The following TMEM266 variants were observed in gnomAD, a reference collection of about 807,000 sequenced individuals.
The protein encoded by TMEM266 is Hv1 related protein 1.
Under a neutral mutation model 50.5 loss-of-function variants are expected in TMEM266, and 33 were observed. That is an observed-to-expected ratio of 0.65 (90% CI 0.50 to 0.87). The LOEUF (loss-of-function observed/expected upper bound fraction) is 0.87. Ranked by LOEUF, TMEM266 falls within the 40% of genes least tolerant of loss-of-function variation. The probability of loss-of-function intolerance (pLI) is 0.00; values close to 1 mark genes in which losing one functional copy is unlikely to be tolerated. For missense variants in TMEM266, 655 were observed against 695.1 expected (o/e 0.94, Z 0.65); for synonymous variants, 310 against 292.3 (o/e 1.06, Z -0.62).
intron 1 of TMEM266, among the ~76,000 whole-genome samples, chr15:76,126,379 A>ATATATC (rs1430247105): frequency 4.6e-5 from 3 of 65,012 alleles, no homozygotes; most frequent in Non-Finnish European, 7.4e-5. Context: ...ACAGACATAT[A>ATATATC]TATATATATA....
intron 9 of TMEM266, among the ~76,000 whole-genome samples, chr15:76,196,980 C>G (rs954384583): frequency 1.3e-5 from 2 of 152,214 alleles, no homozygotes; most frequent in Non-Finnish European, 2.9e-5. Context: ...AATTACAGCC[C>G]CTGGTGGGAG....
intron 1 of TMEM266, among the ~76,000 whole-genome samples, chr15:76,060,367 G>T (rs891113864): frequency 1.3e-5 from 2 of 151,022 alleles, no homozygotes; most frequent in Non-Finnish European, 3.0e-5. Flanking sequence ...TGGAGGGGGG[G>T]GTTGCTGCTG....
intron 2 of TMEM266, 67 bp downstream of exon 2, chr15:76,134,368 ATCT>A (rs2037559543): frequency 6.5e-7 from 1 of 1,546,682 alleles, no homozygotes; most frequent in Admixed American, 1.7e-5. Flanking sequence ...GAAGATGAAG[ATCT>A]TCTAATTTAG....
chr15:76,196,638 A>G (rs966577080), intron 9 of TMEM266, among the ~76,000 whole-genome samples: 14 of 152,032 alleles, frequency 9.2e-5, no homozygotes, highest in African/African-American at 2.4e-5. Context: ...GACACAGACA[A>G]TCCAGGGATT....
In TMEM266 at chr15:76,188,087, C is replaced by G. The variant is rs993585934; in HGVS notation, c.769-3881C>G. ...CATGCTAGGAGTATGCCTTCCCCCC[C>G]CACCCCGCCCCACTGGAACACCACT... On this transcript the variant is annotated intron_variant, in intron 8 of 10. Transcript: ENST00000388942. 5.3e-5 allele frequency among the ~76,000 whole-genome samples: 8 copies of G among 151,974 alleles called. No homozygotes were observed. In the South Asian group the frequency reaches 1.7e-3, roughly 32 times the overall value.
chr15:76,152,526 C>T (rs527819916), intron 3 of TMEM266, among the ~76,000 whole-genome samples: 21 of 152,118 alleles, frequency 1.4e-4, no homozygotes, highest in Non-Finnish European at 2.6e-4. Flanking sequence ...AGGGGGAAGC[C>T]CTATCCTCCT....
At chr15:76,116,369 T>C (rs546049761) in intron 1 of TMEM266, among the ~76,000 whole-genome samples, 16 of 152,328 alleles carry the variant, frequency 1.1e-4, no homozygotes, top group African/African-American at 3.8e-4. Context: ...GTGGCTTTCT[T>C]GGTTCTCACC....
Position 76,204,147 on chromosome 15 carries a change from C to G in TMEM266, c.1428C>G (p.Pro476=), listed in dbSNP as rs537048242. Residue 476 remains proline (P), a synonymous_variant, in exon 11 of 11, where the codon CCC becomes CCG. Coordinates refer to ENST00000388942, the MANE Select transcript of TMEM266 (RefSeq NM_152335.3). Reference sequence around the variant, plus strand: ...CAGCGGGCTCGGCCCAAACCAGCCCCGAGCTGGAACACAGGGTAAGTCTGT... The same window carrying G: ...CAGCGGGCTCGGCCCAAACCAGCCCGGAGCTGGAACACAGGGTAAGTCTGT... 2 of 1,613,602 alleles carry G rather than the reference C, an allele frequency of 1.2e-6. No individual in the cohort carries two copies.
intron 1 of TMEM266, among the ~76,000 whole-genome samples, chr15:76,078,832 T>G (rs2036642574): frequency 1.3e-5 from 2 of 152,164 alleles, no homozygotes; most frequent in Non-Finnish European, 2.9e-5. Flanking sequence ...TCTCTCACAG[T>G]TCTGGAGGAC....
intron 1 of TMEM266, among the ~76,000 whole-genome samples, chr15:76,061,446 A>C (rs938507193): frequency 6.6e-6 from 1 of 152,216 alleles, no homozygotes; most frequent in Non-Finnish European, 1.5e-5. Context: ...ACTCAAGCAC[A>C]TGGGGATACT....
chr15:76,155,490 T>G (rs1311925176), intron 3 of TMEM266, among the ~76,000 whole-genome samples: 3 of 152,050 alleles, frequency 2.0e-5, no homozygotes, highest in Admixed American at 2.0e-4. Flanking sequence ...ATGTCCAGGG[T>G]CATATAGTCA....
rs540444251 is a variant in TMEM266 at position 76,201,740 on chromosome 15, CG to C, written c.959-456del. On this transcript the variant is annotated intron_variant, in intron 9 of 10. Transcript: ENST00000388942. ...TGGAGCCCACAGGTGGATCGAGCCA[CG>C]GGGGGCTATCTGGATGGCACCTCAG... 1.4e-3 allele frequency among the ~76,000 whole-genome samples: 218 copies of C among 152,278 alleles called. 1 individual carries two copies. Among genetic ancestry groups the C allele is most frequent in the African/African-American group, 4.8e-3 (199 of 41,558 alleles).
Position 76,202,144 on chromosome 15 carries a change from T to G in TMEM266, c.959-58T>G. The stretch of plus-strand genomic sequence containing the variant: ...GTGACCGTGGGGGTGGGGACAGGAG[T>G]ATAAGGGGTAGAGAATGAACTTGAT... On this transcript the variant is annotated intron_variant, in intron 9 of 10. Coordinates refer to ENST00000388942, the MANE Select transcript of TMEM266 (RefSeq NM_152335.3). 3 of 1,454,010 alleles carry G rather than the reference T, an allele frequency of 2.1e-6. No homozygotes were observed. In the Admixed American group the frequency reaches 5.3e-5, roughly 26 times the overall value. 90.1% of individuals were successfully genotyped at this position (1,454,010 alleles called of 1,614,324 possible).
intron 1 of TMEM266, among the ~76,000 whole-genome samples, chr15:76,075,693 A>C (rs1404247519): frequency 6.6e-6 from 1 of 151,988 alleles, no homozygotes; most frequent in Non-Finnish European, 1.5e-5. Flanking sequence ...CCTTGCCTTT[A>C]AAATAGGTTA....
In TMEM266 at chr15:76,121,479, C is replaced by G. The variant is rs539241191; in HGVS notation, c.-96-12689C>G. Among the ~76,000 whole-genome samples, 31 of 152,014 alleles carry G rather than the reference C, an allele frequency of 2.0e-4. No individual in the cohort carries two copies. In the Middle Eastern group the frequency reaches 0.01, roughly 50 times the overall value. On this transcript the variant is annotated intron_variant, in intron 1 of 10. Coordinates refer to ENST00000388942, the MANE Select transcript of TMEM266 (RefSeq NM_152335.3). ...TCACCCAGGCTGGAGTGCAGTGGTA[C>G]GATATCAGCTCACTGCAACCTCTGC...
intron 1 of TMEM266, among the ~76,000 whole-genome samples, chr15:76,116,193 G>T (rs2037243666): frequency 1.3e-5 from 2 of 152,070 alleles, no homozygotes; most frequent in Admixed American, 6.6e-5. Flanking sequence ...GCCTGGCATG[G>T]GTTCCTCTAC....
rs146041383 is a variant in TMEM266, at chr15:76,141,464, C to T, written c.227+3569C>T. ...ATATTGCCCGGGCTGGTCTCAAACTCCTGACCTCAAGTGATCTGCCTGCCT... is the reference window on the plus strand; with the variant it reads ...ATATTGCCCGGGCTGGTCTCAAACTTCTGACCTCAAGTGATCTGCCTGCCT... On this transcript the variant is annotated intron_variant, in intron 3 of 10. Transcript: ENST00000388942. Among the ~76,000 whole-genome samples, 1,180 of 152,146 alleles carry T rather than the reference C, an allele frequency of 7.8e-3. 6 individuals are homozygous for T. Among genetic ancestry groups the T allele is most frequent in the Non-Finnish European group, 0.011 (752 of 68,000 alleles).
chr15:76,157,945 G>A (rs899385855), intron 4 of TMEM266, among the ~76,000 whole-genome samples: 8 of 152,068 alleles, frequency 5.3e-5, no homozygotes, highest in African/African-American at 1.9e-4. Flanking sequence ...CCGTGATCAC[G>A]CCACTGCACT....
chr15:76,128,814 G>A (rs772256794), intron 1 of TMEM266, among the ~76,000 whole-genome samples: 32 of 152,148 alleles, frequency 2.1e-4, no homozygotes, highest in South Asian at 4.2e-4. Flanking sequence ...GAGGCCAGTC[G>A]TTTCTTCCCC....
Sources: allele counts gnomAD v4.1 joint callset (sites outside exome capture counted in the v4.1 genomes callset), GRCh38; gene constraint gnomAD v4.1.1; transcripts MANE v1.5; gene names NCBI Gene and HGNC (gene_info 2026-07-23, HGNC 2026-07-21).